Variants in SLC6A18 observed in about 807,000 individuals in gnomAD.
SLC6A18 encodes inactive sodium-dependent neutral amino acid transporter B(0)AT3.
In SLC6A18, 58 loss-of-function variants were observed where a neutral mutation model predicts 62.9. That is an observed-to-expected ratio of 0.92 (90% confidence interval 0.75 to 1.15). The LOEUF is 1.15. Among genes scored for constraint, SLC6A18 ranks in the 50% most tolerant of loss-of-function variants. The pLI, the probability that SLC6A18 is intolerant of heterozygous loss-of-function variation, is 0.00. For synonymous variants in SLC6A18, 382 were observed against 365.8 expected (o/e 1.04, Z -0.51); for missense variants, 793 against 836.6 (o/e 0.95, Z 0.64).
At chr5:1,233,834 C>CTG (rs1746805278) in intron 3 of SLC6A18, among the ~76,000 whole-genome samples, 1 of 151,648 alleles carries the variant, frequency 6.6e-6, no homozygotes, top group African/African-American at 2.4e-5. Context: ...CTCTGCCTCC[C>CTG]AGGTTCACGC....
chr5:1,246,003 C>A lies in SLC6A18; in HGVS notation c.1812C>A (p.Arg604=). 3 of 1,596,492 alleles carry A rather than the reference C, an allele frequency of 1.9e-6. No homozygotes were observed. Among genetic ancestry groups the A allele is most frequent in the Non-Finnish European group, 2.5e-6 (3 of 1,177,074 alleles). The part of the protein sequence containing the change: ...RRRTWRDRDA[R]PDTDMRPDTD... ...GGACGTGGAGGGACAGGGACGCGCG[C>A]CCAGACACGGACATGCGCCCGGACA... The change falls in exon 12 of 12, where the codon CGC becomes CGA. Residue 604 remains arginine, a synonymous_variant. Coordinates refer to ENST00000324642, the MANE Select transcript of SLC6A18 (RefSeq NM_182632.3).
Position 1,243,410 on chromosome 5 carries a change from C to A in SLC6A18, c.1132-145C>A. 1.1e-6 allele frequency: 1 copy of A among 898,972 alleles called. No individual in the cohort carries two copies. Among genetic ancestry groups the A allele is most frequent in the Non-Finnish European group, 1.7e-6 (1 of 586,194 alleles). 55.7% of individuals were successfully genotyped at this position (898,972 alleles called of 1,614,324 possible). A position where few individuals can be genotyped will look rare whatever the true frequency, so the allele number is the denominator to read the frequency against. On this transcript the variant is annotated intron_variant, in intron 8 of 11. Coordinates refer to ENST00000324642, the MANE Select transcript of SLC6A18 (RefSeq NM_182632.3). This position sits in a 1 kb window ranked among gnomAD's most constrained non-coding sequence, Gnocchi z 6.5. ...TCGTCTCCCAGAAGGCATGGCCAGC[C>A]CTGAGCCACCTCAGCCCGACACCAG...
intron 1 of SLC6A18, among the ~76,000 whole-genome samples, chr5:1,231,997 G>T (rs112533428): frequency 2.0e-5 from 3 of 152,314 alleles, no homozygotes; most frequent in African/African-American, 7.2e-5. Context: ...TCCCCTCCAG[G>T]GCCCTGCCCT....
At chr5:1,244,177 T>TCC in intron 9 of SLC6A18, 37 bp from the exon 10 acceptor site, 1 of 387,122 alleles carries the variant, frequency 2.6e-6, no homozygotes, top group Non-Finnish European at 4.7e-6. Context: ...CCACTCCCCA[T>TCC]CCCCTTACCC....
chr5:1,235,340 C>T, intron 3 of SLC6A18, 141 bp from the exon 4 acceptor site: 4 of 735,448 alleles, frequency 5.4e-6, no homozygotes, highest in Non-Finnish European at 2.2e-6. Context: ...CCATCTCAGC[C>T]CTGGGCCCAA....
At chr5:1,240,288 G>T (rs974029176) in intron 6 of SLC6A18, among the ~76,000 whole-genome samples, 1 of 152,276 alleles carries the variant, frequency 6.6e-6, no homozygotes, top group Non-Finnish European at 1.5e-5. Context: ...AAAGGCCTTG[G>T]TGGGGGTGTG....
intron 6 of SLC6A18, among the ~76,000 whole-genome samples, chr5:1,240,133 T>G (rs1747015606): frequency 6.6e-6 from 1 of 152,218 alleles, no homozygotes; most frequent in African/African-American, 2.4e-5. Context: ...CAGGGAAGCT[T>G]TAAATGTTTG....
intron 1 of SLC6A18, among the ~76,000 whole-genome samples, chr5:1,228,585 C>T (rs58136877): frequency 6.6e-6 from 1 of 152,218 alleles, no homozygotes; most frequent in Non-Finnish European, 1.5e-5. Flanking sequence ...CCGTTCACAG[C>T]CACCTTTCCC....
In SLC6A18 at chr5:1,227,680, G is replaced by T. The variant is rs115879037; in HGVS notation, c.160+2043G>T. ...ACATAAATGTTCTCTTCAAAGCTAAGACTTGTAAAGCAACATTGTAACAGA... is the reference window on the plus strand; with the variant it reads ...ACATAAATGTTCTCTTCAAAGCTAATACTTGTAAAGCAACATTGTAACAGA... On this transcript the variant is annotated intron_variant, in intron 1 of 11. Coordinates refer to ENST00000324642, the MANE Select transcript of SLC6A18 (RefSeq NM_182632.3). 5.5e-3 allele frequency among the ~76,000 whole-genome samples: 839 copies of T among 152,342 alleles called. 9 individuals carry two copies. Among genetic ancestry groups the T allele is most frequent in the African/African-American group, 0.019 (797 of 41,574 alleles).
intron 7 of SLC6A18, among the ~76,000 whole-genome samples, chr5:1,242,038 C>G (rs1747074224): frequency 7.8e-6 from 1 of 128,496 alleles, no homozygotes; most frequent in Non-Finnish European, 1.5e-5. Context: ...AACCTTAAGC[C>G]CTGAGGACAG....
chr5:1,232,974 G>A (rs1746773756), intron 3 of SLC6A18, 86 bp downstream of exon 3: 14 of 1,515,068 alleles, frequency 9.2e-6, no homozygotes, highest in Admixed American at 2.0e-5. Flanking sequence ...GAGCAGCTGC[G>A]GGTGGCGGAT....
Position 1,239,531 on chromosome 5 carries a change from C to T in SLC6A18, c.814C>T (p.His272Tyr), listed in dbSNP as rs1295853609. 3 of 1,614,102 alleles carry T rather than the reference C, an allele frequency of 1.9e-6. No individual in the cohort carries two copies. The highest frequency in any genetic ancestry group is 2.5e-6 in the Non-Finnish European group (3 of 1,179,996). The change falls in exon 6 of 12, where the codon CAC becomes TAC. Residue 272 changes from histidine (H) to tyrosine (Y), a missense_variant. Coordinates refer to ENST00000324642, the MANE Select transcript of SLC6A18 (RefSeq NM_182632.3). ...FFSLSLAFGG[H>Y]IAFASYNSPR... ...CTCTCTGTCCCTGGCCTTCGGAGGACACATCGCTTTTGCAAGTTACAACTC... is the reference window on the plus strand; with the variant it reads ...CTCTCTGTCCCTGGCCTTCGGAGGATACATCGCTTTTGCAAGTTACAACTC...
chr5:1,239,393 G>T (rs1052952100), intron 5 of SLC6A18, 57 bp from the exon 6 acceptor site: 6 of 1,338,158 alleles, frequency 4.5e-6, no homozygotes, highest in Non-Finnish European at 6.4e-6. Flanking sequence ...AACAGTCAGG[G>T]CCACCAGCTC....
chr5:1,234,398 G>A (rs1459861579), intron 3 of SLC6A18, among the ~76,000 whole-genome samples: 3 of 152,200 alleles, frequency 2.0e-5, no homozygotes, highest in Non-Finnish European at 2.9e-5. Context: ...CTCTCTGAGG[G>A]TGGGTGGTCC....
At chr5:1,227,409 G>A (rs1158216326) in intron 1 of SLC6A18, among the ~76,000 whole-genome samples, 4 of 152,244 alleles carry the variant, frequency 2.6e-5, no homozygotes, top group East Asian at 3.8e-4. Context: ...GCAAGCCACC[G>A]GGTTGCATGT....
At chr5:1,244,175 C>CCAACCCCAAAA in intron 9 of SLC6A18, 39 bp from the exon 10 acceptor site, 1 of 893,916 alleles carries the variant, frequency 1.1e-6, no homozygotes, top group Non-Finnish European at 1.8e-6. Context: ...CTCCACTCCC[C>CCAACCCCAAAA]ATCCCCTTAC....
chr5:1,236,917 A>G (rs750716015), intron 4 of SLC6A18, among the ~76,000 whole-genome samples: 22 of 151,950 alleles, frequency 1.4e-4, no homozygotes, highest in Non-Finnish European at 2.8e-4. Flanking sequence ...AATTCCAAAT[A>G]ATCCTATTAT....
chr5:1,235,532 G>A lies in SLC6A18; in HGVS notation c.491G>A (p.Arg164Gln), dbSNP rs150299137. 4.2e-5 allele frequency: 67 copies of A among 1,614,018 alleles called. No individual in the cohort carries two copies. Among genetic ancestry groups the A allele is most frequent in the East Asian group, 3.6e-4 (16 of 44,886 alleles). ...AGCGCCGTGAGCTACTTCTGGTACC[G>A]GCAGACACTGAACATCACAGCCGAC... Reference protein sequence around the residue: ...GSSAVSYFWYRQTLNITADIN... With the variant: ...GSSAVSYFWYQQTLNITADIN... Residue 164 changes from arginine (R) to glutamine (Q), a missense_variant, in exon 4 of 12, where the codon CGG (arginine) becomes CAG (glutamine). Physicochemically the swap from Arg to Gln is conservative, Grantham distance 43. Coordinates refer to ENST00000324642, the MANE Select transcript of SLC6A18 (RefSeq NM_182632.3).
chr5:1,239,641 T>G (rs1747001899), intron 6 of SLC6A18, 79 bp downstream of exon 6: 2 of 1,125,260 alleles, frequency 1.8e-6, no homozygotes, highest in South Asian at 2.6e-5. Flanking sequence ...AGGATCACAC[T>G]GTGGATCCAA....
Sources: allele counts gnomAD v4.1 joint callset (sites outside exome capture counted in the v4.1 genomes callset), GRCh38; gene constraint gnomAD v4.1.1; non-coding constraint Gnocchi (gnomAD v3.1); transcripts MANE v1.5; gene names NCBI Gene and HGNC (gene_info 2026-07-23, HGNC 2026-07-21).